GPC5: variants seen among roughly 807,000 people sequenced by gnomAD.
GPC5 encodes the protein glypican 5.
GPC5 carries 47 observed loss-of-function variants against 53.9 expected under a neutral mutation model. That is an observed-to-expected ratio of 0.87 (90% CI 0.69 to 1.11). The LOEUF (loss-of-function observed/expected upper bound fraction) is 1.11, where lower values mean the gene tolerates loss of function less well. Among genes scored for constraint, GPC5 ranks in the 50% most tolerant of loss-of-function variants. GPC5 has a pLI of 0.00. For synonymous variants in GPC5, 286 were observed against 263.3 expected, an observed-to-expected ratio of 1.09 and a Z score of -0.84; for missense variants, 748 against 713.1, an observed-to-expected ratio of 1.05 and a Z score of -0.56.
In GPC5 at chr13:91,569,684, G is replaced by A. The variant is rs565642995; in HGVS notation, c.325+120762G>A. On this transcript the variant is annotated intron_variant, in intron 2 of 7. Transcript: ENST00000377067. ...TTAATCCTCATTTTGGTAGTATTAC[G>A]AGGTGAGGCCTGTTGGGAAGTGATT... Among the ~76,000 whole-genome samples, 206 of 152,228 alleles carry A rather than the reference G, an allele frequency of 1.4e-3. 1 individual carries two copies. The highest frequency in any genetic ancestry group is 4.4e-3 in the African/African-American group (181 of 41,558).
At chr13:92,050,495 A>T (rs1417241635) in intron 6 of GPC5, among the ~76,000 whole-genome samples, 1 of 152,174 alleles carries the variant, frequency 6.6e-6, no homozygotes, top group Non-Finnish European at 1.5e-5. Context: ...GAATCTGAAC[A>T]TGCAAAAAGA....
At chr13:92,317,058 T>C (rs970186169) in intron 7 of GPC5, among the ~76,000 whole-genome samples, 12 of 152,210 alleles carry the variant, frequency 7.9e-5, no homozygotes, top group African/African-American at 2.9e-4. Context: ...GCAATTATAT[T>C]CATAAATTCT....
chr13:91,647,981 G>C (rs2034602398), intron 2 of GPC5, among the ~76,000 whole-genome samples: 1 of 152,182 alleles, frequency 6.6e-6, no homozygotes, highest in African/African-American at 2.4e-5. Flanking sequence ...TCTGATTGCA[G>C]AGTCAGTCAT....
In GPC5 at chr13:91,410,637, C is replaced by CGT. The variant is rs1594050763; in HGVS notation, c.163+11429_163+11430insTG. 5.3e-5 allele frequency among the ~76,000 whole-genome samples: 8 copies of CGT among 152,046 alleles called. No homozygotes were observed. The South Asian group carries it at 1.2e-3, about 24-fold the overall frequency. On this transcript the variant is annotated intron_variant, in intron 1 of 7. Coordinates refer to ENST00000377067, the MANE Select transcript of GPC5 (RefSeq NM_004466.6). ...CTGGGATTACAGGCGTGAGCCACTA[C>CGT]GCCCGGCCTTCCTTCATCTTAATGG...
chr13:92,295,975 G>A (rs12874625), intron 7 of GPC5, among the ~76,000 whole-genome samples: 1,860 of 152,226 alleles, frequency 0.012, 35 homozygotes, highest in Middle Eastern at 0.044. Flanking sequence ...TGAAATGTGA[G>A]GTACCATTCC....
chr13:91,509,050 C>T (rs1885095862), intron 2 of GPC5, among the ~76,000 whole-genome samples: 1 of 151,948 alleles, frequency 6.6e-6, no homozygotes, highest in Non-Finnish European at 1.5e-5. Context: ...GCTTTTTGAG[C>T]CTTGAAGGTT....
At chr13:91,563,948 C>G (rs1396171505) in intron 2 of GPC5, among the ~76,000 whole-genome samples, 1 of 152,100 alleles carries the variant, frequency 6.6e-6, no homozygotes, top group Non-Finnish European at 1.5e-5. Context: ...TGCCTAGTGC[C>G]TCTGTAACTA....
intron 7 of GPC5, among the ~76,000 whole-genome samples, chr13:92,520,382 A>G (rs1423035064): frequency 2.0e-5 from 3 of 152,338 alleles, no homozygotes; most frequent in African/African-American, 7.2e-5. Flanking sequence ...AATCCTCAAT[A>G]AGATACTGGC....
At chr13:92,846,280 T>A (rs531027836) in intron 7 of GPC5, among the ~76,000 whole-genome samples, 3 of 152,254 alleles carry the variant, frequency 2.0e-5, no homozygotes, top group Non-Finnish European at 4.4e-5. Flanking sequence ...TTACCTCCCA[T>A]GAGGTCCCTC....
At chr13:91,955,714 G>A (rs1279218968) in intron 6 of GPC5, among the ~76,000 whole-genome samples, 1 of 152,180 alleles carries the variant, frequency 6.6e-6, no homozygotes, top group Non-Finnish European at 1.5e-5. Flanking sequence ...CTCCAGAGGA[G>A]CATAATAGCT....
chr13:91,972,038 G>A (rs1285852613), intron 6 of GPC5, among the ~76,000 whole-genome samples: 10 of 152,238 alleles, frequency 6.6e-5, no homozygotes, highest in South Asian at 4.1e-4. Context: ...TTTCTGTGTC[G>A]TTGATCTGTC....
intron 2 of GPC5, among the ~76,000 whole-genome samples, chr13:91,656,822 A>C (rs1315285257): frequency 6.6e-6 from 1 of 152,210 alleles, no homozygotes; most frequent in Non-Finnish European, 1.5e-5. Context: ...TGTGTTCAAC[A>C]AATTACATAA....
intron 6 of GPC5, among the ~76,000 whole-genome samples, chr13:91,912,857 G>A (rs1339974034): frequency 2.6e-5 from 4 of 151,972 alleles, no homozygotes; most frequent in South Asian, 2.1e-4. Context: ...CTTAACAATT[G>A]TATTTTGATA....
At chr13:92,328,371 A>G (rs1020841610) in intron 7 of GPC5, among the ~76,000 whole-genome samples, 1 of 152,182 alleles carries the variant, frequency 6.6e-6, no homozygotes, top group Non-Finnish European at 1.5e-5. Context: ...AGAACCAGAT[A>G]TAGAATCTGG....
intron 2 of GPC5, among the ~76,000 whole-genome samples, chr13:91,470,271 G>C (rs1335528326): frequency 2.0e-5 from 3 of 152,048 alleles, no homozygotes; most frequent in Non-Finnish European, 4.4e-5. Context: ...TCTTCCTTCA[G>C]ACAGCTCTCT....
chr13:91,435,459 G>A (rs573481265), intron 1 of GPC5, among the ~76,000 whole-genome samples: 13 of 152,204 alleles, frequency 8.5e-5, no homozygotes, highest in African/African-American at 2.4e-4. Context: ...GGTTTTTGTC[G>A]TTGGTTTTGT....
At chr13:92,062,370 G>A in intron 6 of GPC5, among the ~76,000 whole-genome samples, 1 of 151,814 alleles carries the variant, frequency 6.6e-6, no homozygotes, top group Non-Finnish European at 1.5e-5. Flanking sequence ...GTTTATATTT[G>A]GTTACTTAAA....
chr13:92,485,726 A>C (rs1879527684), intron 7 of GPC5, among the ~76,000 whole-genome samples: 1 of 152,236 alleles, frequency 6.6e-6, no homozygotes. Flanking sequence ...CTGTAATCCC[A>C]GCACTTTGGG....
intron 7 of GPC5, among the ~76,000 whole-genome samples, chr13:92,618,337 G>C (rs1478965062): frequency 2.6e-5 from 4 of 151,936 alleles, no homozygotes; most frequent in Non-Finnish European, 5.9e-5. Context: ...AGGAAAACTA[G>C]AAAAAAGTAG....
Sources: gnomAD v4.1 joint callset for allele counts (sites outside exome capture counted in the v4.1 genomes callset) on GRCh38, gnomAD v4.1.1 for gene constraint, MANE v1.5 for transcripts, NCBI Gene and HGNC (gene_info 2026-07-23, HGNC 2026-07-21) for gene names.